Variants in KCNK12 observed in about 807,000 individuals in gnomAD.
KCNK12 encodes potassium channel subfamily K member 12.
KCNK12 carries 6 observed loss-of-function variants against 25.3 expected under a neutral mutation model. That is an observed-to-expected ratio of 0.24 (90% CI 0.13 to 0.47). The LOEUF is 0.47. Among genes scored for constraint, KCNK12 ranks in the 20% least tolerant of loss-of-function variants. The pLI, the probability that KCNK12 is intolerant of heterozygous loss-of-function variation, is 0.99. For synonymous variants in KCNK12, 331 were observed against 311.1 expected, an observed-to-expected ratio of 1.06 and a Z score of -0.67; for missense variants, 444 against 661.7, an observed-to-expected ratio of 0.67 and a Z score of 3.61.
chr2:47,521,017 C>G lies in KCNK12; in HGVS notation c.1183G>C (p.Gly395Arg). Residue 395 changes from glycine (G) to arginine (R), a missense_variant, in exon 2 of 2, where the codon GGC becomes CGC. This residue lies in a region of KCNK12 where 57 missense variants were observed against 68.9 expected (regional missense o/e 0.83). Transcript: ENST00000327876. ...TTGACGCACACGCTGCGCGGGTAGC[C>G]GTTGGCCGTCTCCGACAGCTGCTTC... is the stretch of plus-strand genomic sequence containing the variant. ...LQKQLSETAN[G>R]YPRSVCVNTR... 7.1e-7 allele frequency: 1 copy of G among 1,399,140 alleles called. No individual in the cohort carries two copies. The highest frequency in any genetic ancestry group is 9.3e-7 in the Non-Finnish European group (1 of 1,073,874). The allele number at this position is 1,399,140 out of a possible 1,614,324, so 86.7% of individuals were successfully genotyped here. A position where few individuals can be genotyped will look rare whatever the true frequency, so the allele number is the denominator to read the frequency against.
chr2:47,521,092 A>T lies in KCNK12; in HGVS notation c.1108T>A (p.Ser370Thr). 7.6e-7 allele frequency: 1 copy of T among 1,320,308 alleles called. No individual in the cohort carries two copies. Among genetic ancestry groups the T allele is most frequent in the Non-Finnish European group, 9.7e-7 (1 of 1,033,854 alleles). 81.8% of individuals were successfully genotyped at this position (1,320,308 alleles called of 1,614,324 possible). A position where few individuals can be genotyped will look rare whatever the true frequency, so the allele number is the denominator to read the frequency against. The change falls in exon 2 of 2, where the codon TCC becomes ACC. Residue 370 changes from serine (S) to threonine (T), a missense_variant. By Grantham distance (58) the Ser-to-Thr change is moderately conservative. Coordinates refer to ENST00000327876, the MANE Select transcript of KCNK12 (RefSeq NM_022055.2). ...EGRRLSGELI[S>T]MRDLTASNKV... The stretch of plus-strand genomic sequence containing the variant: ...TTGGAGGCCGTGAGGTCGCGCATGG[A>T]GATGAGCTCGCCCGAGAGGCGGCGG...
chr2:47,570,064 G>A lies in KCNK12; in HGVS notation c.268C>T (p.Leu90=). 3.6e-6 allele frequency: 5 copies of A among 1,402,966 alleles called. No homozygotes were observed. The highest frequency in any genetic ancestry group is 4.6e-6 in the Non-Finnish European group (5 of 1,079,680). 86.9% of individuals were successfully genotyped at this position (1,402,966 alleles called of 1,614,324 possible). A position where few individuals can be genotyped will look rare whatever the true frequency, so the allele number is the denominator to read the frequency against. Residue 90 remains leucine, a synonymous_variant, in exon 1 of 2, where the codon CTG becomes TTG. Coordinates refer to ENST00000327876, the MANE Select transcript of KCNK12 (RefSeq NM_022055.2). ...SAAHGVAEPE[L]RAFLRHYEAA... ...TCGTAGTGCCGGAGGAAGGCGCGCA[G>A]CTCTGGCTCGGCCACGCCGTGCGCA...
At position 47,518,144 on chromosome 2, in the gene KCNK12, A is replaced by G. The variant is rs1197808854; in HGVS notation, c.*2763T>C. ...GATGGGAGAACCACATCCCTGCTTC[A>G]GGGAAGCAGTCCCTGTCGTCTGGGG... On this transcript the variant is annotated 3_prime_UTR_variant, in exon 2 of 2. Transcript: ENST00000327876. The surrounding 1 kb of genome is among the most constrained non-coding windows in gnomAD (Gnocchi z 4.1). 1 of 152,256 alleles carries G rather than the reference A, an allele frequency of 6.6e-6. No individual in the cohort carries two copies. Among genetic ancestry groups the G allele is most frequent in the Middle Eastern group, 3.2e-3 (1 of 316 alleles). The allele number at this position is 152,256 out of a possible 1,614,324, so 9.4% of individuals were successfully genotyped here. A position where few individuals can be genotyped will look rare whatever the true frequency, so the allele number is the denominator to read the frequency against.
chr2:47,529,855 A>T lies in KCNK12; in HGVS notation c.392-8047T>A, dbSNP rs1451937410. ...ATATGACTTGGGTAAACAAGAAATC[A>T]TTTTTTAAGTATAAGTATGTCCCAA... On this transcript the variant is annotated intron_variant, in intron 1 of 1. Transcript: ENST00000327876. The surrounding 1 kb of genome is among the most constrained non-coding windows in gnomAD (Gnocchi z 4.3). 6.6e-6 allele frequency among the ~76,000 whole-genome samples: 1 copy of T among 152,226 alleles called. No individual in the cohort carries two copies. The highest frequency in any genetic ancestry group is 6.5e-5 in the Admixed American group (1 of 15,284).
At chr2:47,530,798 A>C (rs975752583) in intron 1 of KCNK12, among the ~76,000 whole-genome samples, 2 of 152,202 alleles carry the variant, frequency 1.3e-5, no homozygotes, top group Non-Finnish European at 2.9e-5. Flanking sequence ...GATTTGATGA[A>C]CTATAGTGGG....
At chr2:47,531,629 C>T (rs947353232) in intron 1 of KCNK12, among the ~76,000 whole-genome samples, 3 of 152,112 alleles carry the variant, frequency 2.0e-5, no homozygotes, top group African/African-American at 7.2e-5. Context: ...CCATAGGAAA[C>T]GTCCAGTGAC....
Position 47,529,750 on chromosome 2 carries a change from G to C in KCNK12, c.392-7942C>G, listed in dbSNP as rs1206200129. On this transcript the variant is annotated intron_variant, in intron 1 of 1. Coordinates refer to ENST00000327876, the MANE Select transcript of KCNK12 (RefSeq NM_022055.2). This position sits in a 1 kb window ranked among gnomAD's most constrained non-coding sequence, Gnocchi z 4.3. ...CTGAGGCGTGGACTCAGTGGGCAGG[G>C]ATGGAAAAAGACTCAGAAATACTGG... is the stretch of plus-strand genomic sequence containing the variant. 6.6e-6 allele frequency among the ~76,000 whole-genome samples: 1 copy of C among 152,178 alleles called. No homozygotes were observed. The highest frequency in any genetic ancestry group is 1.9e-4 in the East Asian group (1 of 5,204).
At position 47,521,174 on chromosome 2, in the gene KCNK12, G is replaced by A; in HGVS notation, c.1026C>T (p.Arg342=). Residue 342 remains arginine, a synonymous_variant, in exon 2 of 2, where the codon CGC becomes CGT. Transcript: ENST00000327876. ...RNAITPGSRL[R]RRLAALGADP... ...CGGCACCGAGCGCGGCCAGGCGGCG[G>A]CGCAGCCGGGAGCCTGGGGTGATGG... 1 of 1,307,918 alleles carries A rather than the reference G, an allele frequency of 7.6e-7. No individual in the cohort carries two copies. The highest frequency in any genetic ancestry group is 9.7e-7 in the Non-Finnish European group (1 of 1,032,120). 81.0% of individuals were successfully genotyped at this position (1,307,918 alleles called of 1,614,324 possible).
Position 47,569,977 on chromosome 2 carries a change from C to T in KCNK12, c.355G>A (p.Ala119Thr). ...ACCACGGTGCCCACGAAGTAGAAGG[C>T]GCCGGGGAAGTCCCAGCGCGGGCGC... ...ALRPRWDFPGAFYFVGTVVST... is the reference protein window; with the variant it reads ...ALRPRWDFPGTFYFVGTVVST... Residue 119 changes from alanine to threonine, a missense_variant, in exon 1 of 2, where the codon GCC (alanine) becomes ACC (threonine). Physicochemically the swap from Ala to Thr is moderately conservative, Grantham distance 58. Around this residue, in one of 8 missense-constraint regions of KCNK12, gnomAD observed 44 missense variants for 100.7 expected, o/e 0.44. Coordinates refer to ENST00000327876, the MANE Select transcript of KCNK12 (RefSeq NM_022055.2). This position sits in a 1 kb window ranked among gnomAD's most constrained non-coding sequence, Gnocchi z 4.1. 7.0e-7 allele frequency: 1 copy of T among 1,434,318 alleles called. No homozygotes were observed. Among genetic ancestry groups the T allele is most frequent in the Admixed American group, 3.1e-5 (1 of 32,180 alleles). The allele number at this position is 1,434,318 out of a possible 1,614,324, so 88.8% of individuals were successfully genotyped here.
chr2:47,570,482 C>G lies in KCNK12; in HGVS notation c.-151G>C, dbSNP rs1291849254. On this transcript the variant is annotated 5_prime_UTR_variant, in exon 1 of 2. Transcript: ENST00000327876. ...CTTCGCAGAGCCCCTCGTCGCCTTC[C>G]CAGAGCCCGGACAGAGGGGCGCCTC... 1.2e-6 allele frequency: 1 copy of G among 813,052 alleles called. No individual in the cohort carries two copies. The highest frequency in any genetic ancestry group is 1.6e-6 in the Non-Finnish European group (1 of 620,478). 50.4% of individuals were successfully genotyped at this position (813,052 alleles called of 1,614,324 possible).
rs1668628532 is a variant in KCNK12, at chr2:47,520,532, A to T, written c.*375T>A. 1 of 180,092 alleles carries T rather than the reference A, an allele frequency of 5.6e-6. No individual in the cohort carries two copies. Among genetic ancestry groups the T allele is most frequent in the South Asian group, 2.0e-4 (1 of 5,076 alleles). 11.2% of individuals were successfully genotyped at this position (180,092 alleles called of 1,614,324 possible). A position where few individuals can be genotyped will look rare whatever the true frequency, so the allele number is the denominator to read the frequency against. On this transcript the variant is annotated 3_prime_UTR_variant, in exon 2 of 2. Coordinates refer to ENST00000327876, the MANE Select transcript of KCNK12 (RefSeq NM_022055.2). This position sits in a 1 kb window ranked among gnomAD's most constrained non-coding sequence, Gnocchi z 5.0. ...GCTGAGGAGGTAATTCAGAGCCACG[A>T]AAAGTTGCACCATATGCTTTGGGGT...
In KCNK12 at chr2:47,567,477, C is replaced by T. The variant is rs117054442; in HGVS notation, c.391+2464G>A. ...TGACCTGTGGAGATCTTTACTTAAA[C>T]CTCATCCAAATGCATTTTGCAAAGA... On this transcript the variant is annotated intron_variant, in intron 1 of 1. Transcript: ENST00000327876. Among the ~76,000 whole-genome samples, 801 of 152,318 alleles carry T rather than the reference C, an allele frequency of 5.3e-3. 25 individuals carry two copies. Among genetic ancestry groups the T allele is most frequent in the Admixed American group, 0.036 (544 of 15,306 alleles).
Position 47,516,492 on chromosome 2 carries a change from T to C in KCNK12, c.*4415A>G, listed in dbSNP as rs1346004280. On this transcript the variant is annotated 3_prime_UTR_variant, in exon 2 of 2. Coordinates refer to ENST00000327876, the MANE Select transcript of KCNK12 (RefSeq NM_022055.2). ...ACTGGGCCCCATCCTAACAGTGAAG[T>C]CCCCCGGGCCCTCCTGAGAGGAGGT... 6.6e-6 allele frequency: 1 copy of C among 151,744 alleles called. No homozygotes were observed. Among genetic ancestry groups the C allele is most frequent in the Non-Finnish European group, 1.5e-5 (1 of 67,954 alleles). 9.4% of individuals were successfully genotyped at this position (151,744 alleles called of 1,614,324 possible). A position where few individuals can be genotyped will look rare whatever the true frequency, so the allele number is the denominator to read the frequency against.
chr2:47,550,368 T>A (rs1669400516), intron 1 of KCNK12, among the ~76,000 whole-genome samples: 1 of 148,144 alleles, frequency 6.8e-6, no homozygotes, highest in African/African-American at 2.5e-5. Flanking sequence ...TAGAGAAAAA[T>A]ATTCACAGAC....
rs1455425722 is a variant in KCNK12, at chr2:47,556,783, T to TA, written c.391+13157dup. ...GGGAGTGTAAAGGACCTGTAGGTCTTACAGCCAAAGGATTATGATCTCACC... is the reference window on the plus strand; with the variant it reads ...GGGAGTGTAAAGGACCTGTAGGTCTTAACAGCCAAAGGATTATGATCTCACC... On this transcript the variant is annotated intron_variant, in intron 1 of 1. Coordinates refer to ENST00000327876, the MANE Select transcript of KCNK12 (RefSeq NM_022055.2). This position sits in a 1 kb window ranked among gnomAD's most constrained non-coding sequence, Gnocchi z 4.8. 1.3e-5 allele frequency among the ~76,000 whole-genome samples: 2 copies of TA among 152,150 alleles called. No homozygotes were observed. Among genetic ancestry groups the TA allele is most frequent in the Non-Finnish European group, 2.9e-5 (2 of 68,022 alleles).
Position 47,512,395 on chromosome 2 carries a change from G to T in KCNK12, c.*8512C>A, listed in dbSNP as rs565818410. 4.3e-6 allele frequency: 7 copies of T among 1,611,200 alleles called. No individual in the cohort carries two copies. The Admixed American group carries it at 5.0e-5, about 12-fold the overall frequency. On this transcript the variant is annotated 3_prime_UTR_variant, in exon 2 of 2. Coordinates refer to ENST00000327876, the MANE Select transcript of KCNK12 (RefSeq NM_022055.2). ...GGGGAAAGAGATCTGCTTGCAGTCG[G>T]CCAGAGAGACAGAACCAGGGCAGTG...
rs1030903942 is a variant in KCNK12, at chr2:47,514,339, T to A, written c.*6568A>T. ...CTCAGCAGGCCGTACTGCAGCGCCC[T>A]GCCCCCGTCAGCCTCCAGGAGCCTG... On this transcript the variant is annotated 3_prime_UTR_variant, in exon 2 of 2. Transcript: ENST00000327876. This position sits in a 1 kb window ranked among gnomAD's most constrained non-coding sequence, Gnocchi z 5.0. Among the ~76,000 whole-genome samples, 2 of 152,226 alleles carry A rather than the reference T, an allele frequency of 1.3e-5. No homozygotes were observed. Among genetic ancestry groups the A allele is most frequent in the Non-Finnish European group, 2.9e-5 (2 of 68,040 alleles).
At position 47,512,522 on chromosome 2, in the gene KCNK12, G is replaced by T. The variant is rs1573613936; in HGVS notation, c.*8385C>A. The stretch of plus-strand genomic sequence containing the variant: ...AAACATTTCCCTCAAAATGGAGCAG[G>T]AAGCTCTCAAAAATGGACCAGAAAG... On this transcript the variant is annotated 3_prime_UTR_variant, in exon 2 of 2. Coordinates refer to ENST00000327876, the MANE Select transcript of KCNK12 (RefSeq NM_022055.2). 1.4e-6 allele frequency: 2 copies of T among 1,409,466 alleles called. No individual in the cohort carries two copies. The highest frequency in any genetic ancestry group is 5.0e-5 in the East Asian group (2 of 40,136). The allele number at this position is 1,409,466 out of a possible 1,614,324, so 87.3% of individuals were successfully genotyped here. A position where few individuals can be genotyped will look rare whatever the true frequency, so the allele number is the denominator to read the frequency against.
In KCNK12 at chr2:47,562,251, C is replaced by T; in HGVS notation, c.391+7690G>A. On this transcript the variant is annotated intron_variant, in intron 1 of 1. Transcript: ENST00000327876. This position sits in a 1 kb window ranked among gnomAD's most constrained non-coding sequence, Gnocchi z 4.8. ...AAAGCACTGCTGCATGCTATCCTAC[C>T]TTCCTGGTCTGTAACATCTGTTGCT... 1 of 397,532 alleles carries T rather than the reference C, an allele frequency of 2.5e-6. No individual in the cohort carries two copies. Among genetic ancestry groups the T allele is most frequent in the East Asian group, 3.6e-5 (1 of 28,058 alleles). 24.6% of individuals were successfully genotyped at this position (397,532 alleles called of 1,614,324 possible).
Sources: gnomAD v4.1 joint callset for allele counts (sites outside exome capture counted in the v4.1 genomes callset) on GRCh38, gnomAD v4.1.1 for gene constraint, gnomAD v4.1.1 regional missense constraint, Gnocchi (gnomAD v3.1) non-coding constraint, MANE v1.5 for transcripts, NCBI Gene and HGNC (gene_info 2026-07-23, HGNC 2026-07-21) for gene names.